Variants in AQR observed in about 807,000 individuals in gnomAD.
AQR encodes the protein aquarius intron-binding spliceosomal factor.
AQR carries 61 observed loss-of-function variants against 180.5 expected under a neutral mutation model. That is an observed-to-expected ratio of 0.34 (90% CI 0.28 to 0.42). The LOEUF (loss-of-function observed/expected upper bound fraction) is 0.42, where lower values mean the gene tolerates loss of function less well. AQR is among the 10% of genes least tolerant of loss of function. The probability of loss-of-function intolerance (pLI) is 1.00; values close to 1 mark genes in which losing one functional copy is unlikely to be tolerated. For missense variants in AQR, 1,281 were observed against 1,798.3 expected (o/e 0.71, Z 5.20); for synonymous variants, 551 against 588.8 (o/e 0.94, Z 0.93).
intron 5 of AQR, 84 bp from the exon 6 acceptor site, chr15:34,944,512 C>A (rs1894080613): frequency 2.2e-6 from 3 of 1,377,508 alleles, no homozygotes; most frequent in South Asian, 3.3e-5. Flanking sequence ...TTTTAGCAGT[C>A]TATTAAAAAA....
chr15:34,919,073 T>C (rs1306627601), intron 14 of AQR, among the ~76,000 whole-genome samples: 1 of 151,934 alleles, frequency 6.6e-6, no homozygotes, highest in African/African-American at 2.4e-5. Context: ...ACCCCATCTC[T>C]ACTAAAAATA....
rs1892541291 is a variant in AQR, at chr15:34,853,324, A to C, written c.*3468T>G. 6.6e-6 allele frequency: 1 copy of C among 151,990 alleles called. No individual in the cohort carries two copies. Among genetic ancestry groups the C allele is most frequent in the African/African-American group, 2.4e-5 (1 of 41,362 alleles). The allele number at this position is 151,990 out of a possible 1,614,324, so 9.4% of individuals were successfully genotyped here. A position where few individuals can be genotyped will look rare whatever the true frequency, so the allele number is the denominator to read the frequency against. The stretch of plus-strand genomic sequence containing the variant: ...ACCATCTGAGTGCAAGATAAAAAGG[A>C]AATAGCAATTCAAGGCACAAAGCTA... On this transcript the variant is annotated 3_prime_UTR_variant, in exon 35 of 35. Transcript: ENST00000156471.
At chr15:34,867,444 A>G (rs1017439999) in intron 32 of AQR, 80 bp downstream of exon 32, 1 of 1,234,380 alleles carries the variant, frequency 8.1e-7, no homozygotes, top group Non-Finnish European at 1.2e-6. Context: ...AAAAATATTT[A>G]GAACACTTAG....
chr15:34,863,197 G>T, intron 32 of AQR, 156 bp from the exon 33 acceptor site: 1 of 670,140 alleles, frequency 1.5e-6, no homozygotes, highest in Non-Finnish European at 2.4e-6. Context: ...TCAATGTTAC[G>T]TGACTAATAA....
At chr15:34,889,595 A>T (rs1893111240) in intron 24 of AQR, among the ~76,000 whole-genome samples, 1 of 152,242 alleles carries the variant, frequency 6.6e-6, no homozygotes, top group Admixed American at 6.5e-5. Flanking sequence ...ATATCAAACA[A>T]AGTCCAGCCA....
chr15:34,893,611 A>ACG lies in AQR; in HGVS notation c.2571+51_2571+52insCG, dbSNP rs1566983812. 5.8e-4 allele frequency: 370 copies of ACG among 637,306 alleles called. 1 individual carries two copies. The highest frequency in any genetic ancestry group is 2.9e-3 in the Admixed American group (89 of 30,440). 39.5% of individuals were successfully genotyped at this position (637,306 alleles called of 1,614,324 possible). ...CCCATGTGCATGCGCATGCGTGCACACACACACACACACACACACACACAC... is the reference window on the plus strand; with the variant it reads ...CCCATGTGCATGCGCATGCGTGCACACGCACACACACACACACACACACACAC... On this transcript the variant is annotated intron_variant, in intron 23 of 34. Coordinates refer to ENST00000156471, the MANE Select transcript of AQR (RefSeq NM_014691.3).
intron 14 of AQR, 141 bp from the exon 15 acceptor site, chr15:34,918,519 T>C: frequency 3.2e-6 from 3 of 924,522 alleles, no homozygotes; most frequent in Non-Finnish European, 4.7e-6. Context: ...ATTTTCTCCA[T>C]AGATCAAAGA....
chr15:34,932,490 G>A (rs1399408067), intron 10 of AQR, 56 bp from the exon 11 acceptor site: 1 of 1,200,852 alleles, frequency 8.3e-7, no homozygotes, highest in Non-Finnish European at 1.2e-6. Flanking sequence ...ACAGCTAGAA[G>A]TGAAATCTAG....
In AQR at chr15:34,960,819, TA is replaced by T. The variant is rs748780525; in HGVS notation, c.133-6del. 1.2e-6 allele frequency: 1 copy of T among 846,742 alleles called. No homozygotes were observed. The highest frequency in any genetic ancestry group is 1.8e-5 in the African/African-American group (1 of 56,826). The allele number at this position is 846,742 out of a possible 1,614,324, so 52.5% of individuals were successfully genotyped here. On this transcript the variant is annotated splice_region_variant and splice_polypyrimidine_tract_variant and intron_variant, in intron 2 of 34. Coordinates refer to ENST00000156471, the MANE Select transcript of AQR (RefSeq NM_014691.3). ...TTCATATATATCTTCAATAACCTGT[TA>T]TAAAAATATAAAAATGTTTAATATC... is the stretch of plus-strand genomic sequence containing the variant.
chr15:34,938,748 A>G lies in AQR; in HGVS notation c.707T>C (p.Val236Ala). The change falls in exon 9 of 35, where the codon GTC becomes GCC. Residue 236 changes from valine to alanine, a missense_variant. This residue lies in a region of AQR where 404 missense variants were observed against 490.9 expected (regional missense o/e 0.82). Coordinates refer to ENST00000156471, the MANE Select transcript of AQR (RefSeq NM_014691.3). Reference sequence around the variant, plus strand: ...AAAAAAGAAGATACCAGAAAGTGGGACTGATTTCAGCACAGAGATAAACTT... The same window carrying G: ...AAAAAAGAAGATACCAGAAAGTGGGGCTGATTTCAGCACAGAGATAAACTT... The part of the protein sequence containing the change: ...IQKFISVLKS[V>A]PLSEPVTMDK... 6.3e-7 allele frequency: 1 copy of G among 1,598,994 alleles called. No individual in the cohort carries two copies. The highest frequency in any genetic ancestry group is 8.6e-7 in the Non-Finnish European group (1 of 1,167,572).
At position 34,944,272 on chromosome 15, in the gene AQR, T is replaced by C; in HGVS notation, c.471+16A>G. ...AGAAAACTTGAAAATTACCCCAAAA[T>C]ATAAAGTAAAAGTACCAAACTATTG... On this transcript the variant is annotated intron_variant, in intron 6 of 34. Transcript: ENST00000156471. 1 of 1,562,410 alleles carries C rather than the reference T, an allele frequency of 6.4e-7. No individual in the cohort carries two copies. Among genetic ancestry groups the C allele is most frequent in the Non-Finnish European group, 8.6e-7 (1 of 1,160,098 alleles).
intron 22 of AQR, among the ~76,000 whole-genome samples, chr15:34,896,287 A>C (rs563780974): frequency 7.2e-5 from 11 of 152,320 alleles, no homozygotes; most frequent in Admixed American, 5.2e-4. Flanking sequence ...ATCATTACAC[A>C]ATGTATACAG....
At position 34,886,960 on chromosome 15, in the gene AQR, T is replaced by C. The variant is rs537958742; in HGVS notation, c.2682-299A>G. ...TAACATGGTGAAACCCTGTCTCTACTAAAAATACAAAAAAATTAGCCGGGC... is the reference window on the plus strand; with the variant it reads ...TAACATGGTGAAACCCTGTCTCTACCAAAAATACAAAAAAATTAGCCGGGC... On this transcript the variant is annotated intron_variant, in intron 24 of 34. Transcript: ENST00000156471. Among the ~76,000 whole-genome samples the C allele has an allele frequency of 7.1e-4, 107 of 151,728 alleles. 1 individual carries two copies. In the Middle Eastern group the frequency reaches 0.01, roughly 14 times the overall value.
At position 34,867,518 on chromosome 15, in the gene AQR, A is replaced by G. The variant is rs200272069; in HGVS notation, c.3854+6T>C. 1.9e-6 allele frequency: 3 copies of G among 1,610,162 alleles called. No individual in the cohort carries two copies. Among genetic ancestry groups the G allele is most frequent in the Middle Eastern group, 1.7e-4 (1 of 6,036 alleles). The stretch of plus-strand genomic sequence containing the variant: ...ATAAATATTATGAAAGTTTTTTCCT[A>G]CGTACCTCAGATGGCCCACTGCCCT... On this transcript the variant is annotated splice_donor_region_variant and intron_variant, in intron 32 of 34. Coordinates refer to ENST00000156471, the MANE Select transcript of AQR (RefSeq NM_014691.3).
intron 15 of AQR, 76 bp downstream of exon 15, chr15:34,918,182 C>G: frequency 6.8e-7 from 1 of 1,480,186 alleles, no homozygotes; most frequent in Non-Finnish European, 9.2e-7. Flanking sequence ...AAGTACACTG[C>G]CTATAATTGC....
chr15:34,948,972 G>A (rs1042620052), intron 4 of AQR, among the ~76,000 whole-genome samples: 8 of 151,756 alleles, frequency 5.3e-5, no homozygotes, highest in Non-Finnish European at 7.4e-5. Flanking sequence ...CCAAACCACC[G>A]GATATTCCCT....
intron 1 of AQR, among the ~76,000 whole-genome samples, chr15:34,967,631 C>T (rs760836136): frequency 2.0e-5 from 3 of 151,850 alleles, no homozygotes; most frequent in African/African-American, 4.8e-5. Flanking sequence ...TGTTGAAAAG[C>T]CAGGAGATGA....
chr15:34,897,931 G>T (rs1197631658), intron 20 of AQR, among the ~76,000 whole-genome samples: 4 of 152,196 alleles, frequency 2.6e-5, no homozygotes, highest in African/African-American at 9.7e-5. Flanking sequence ...AGAATTACGG[G>T]AGAATTTAAA....
At chr15:34,950,084 C>CTTTTTTTTTTTTTTTTTTTT (rs1174370425) in intron 4 of AQR, among the ~76,000 whole-genome samples, 1 of 74,058 alleles carries the variant, frequency 1.4e-5, no homozygotes, top group African/African-American at 5.7e-5. Context: ...TGCTATTTTC[C>CTTTTTTTTTTTTTTTTTTTT]TTTTTTTTTT....
Sources: allele counts gnomAD v4.1 joint callset (sites outside exome capture counted in the v4.1 genomes callset), GRCh38; gene constraint gnomAD v4.1.1; regional missense constraint gnomAD v4.1.1; transcripts MANE v1.5; gene names NCBI Gene and HGNC (gene_info 2026-07-23, HGNC 2026-07-21).